Variants in SNX9 observed in about 807,000 individuals in gnomAD.
The protein encoded by SNX9 is sorting nexin 9, also known as sorting nexin-9.
In SNX9, 44 loss-of-function variants were observed where a neutral mutation model predicts 89.4. The ratio of observed to expected loss-of-function variants is 0.49; its 90% CI spans 0.39 to 0.63. The LOEUF (loss-of-function observed/expected upper bound fraction) is 0.63, where lower values mean the gene tolerates loss of function less well. Ranked by LOEUF, SNX9 falls within the 30% of genes least tolerant of loss-of-function variation. SNX9 has a pLI of 0.00. For missense variants in SNX9, 578 were observed against 736.1 expected (o/e 0.79, Z 2.49); for synonymous variants, 236 against 247.8 (o/e 0.95, Z 0.45).
chr6:157,898,114 G>T (rs1783018286), intron 5 of SNX9, among the ~76,000 whole-genome samples: 1 of 152,192 alleles, frequency 6.6e-6, no homozygotes, highest in African/African-American at 2.4e-5. Context: ...CCGGGAACTA[G>T]GGACGCAGAC....
intron 4 of SNX9, among the ~76,000 whole-genome samples, chr6:157,887,410 G>A (rs1782757036): frequency 6.6e-6 from 1 of 152,114 alleles, no homozygotes; most frequent in Non-Finnish European, 1.5e-5. Context: ...CACGTGATGG[G>A]CTGATCAGTG....
chr6:157,938,443 A>G (rs6455919), intron 15 of SNX9, among the ~76,000 whole-genome samples, 190 bp from the exon 16 acceptor site: 32,953 of 152,170 alleles, frequency 0.22, 3,638 homozygotes, highest in Non-Finnish European at 0.23. Context: ...ATTTGTCAAG[A>G]ATAGCAACCT....
At chr6:157,936,909 CTA>C (rs1177106839) in intron 14 of SNX9, among the ~76,000 whole-genome samples, 1 of 152,160 alleles carries the variant, frequency 6.6e-6, no homozygotes, top group African/African-American at 2.4e-5. Context: ...TGACTTTAAA[CTA>C]TGTGTATGGA....
chr6:157,833,404 A>G (rs1206208226), intron 1 of SNX9, among the ~76,000 whole-genome samples: 1 of 152,222 alleles, frequency 6.6e-6, no homozygotes, highest in African/African-American at 2.4e-5. Flanking sequence ...AAATTTTTTA[A>G]TGCTTACACA....
chr6:157,877,400 GA>G (rs1243437307), intron 4 of SNX9, among the ~76,000 whole-genome samples: 1 of 152,110 alleles, frequency 6.6e-6, no homozygotes, highest in Non-Finnish European at 1.5e-5. Flanking sequence ...TTGAGCATTT[GA>G]ATTTAATGTA....
At chr6:157,916,857 G>T (rs1393192225) in intron 9 of SNX9, among the ~76,000 whole-genome samples, 1 of 152,170 alleles carries the variant, frequency 6.6e-6, no homozygotes, top group African/African-American at 2.4e-5. Context: ...GTTCACGATG[G>T]TTATTGGTCT....
At chr6:157,862,563 C>CT (rs1187652968) in intron 1 of SNX9, among the ~76,000 whole-genome samples, 4 of 152,144 alleles carry the variant, frequency 2.6e-5, no homozygotes, top group African/African-American at 9.7e-5. Flanking sequence ...AGATTTACTG[C>CT]TTTTTTCCCT....
At chr6:157,841,480 G>A (rs1781701787) in intron 1 of SNX9, among the ~76,000 whole-genome samples, 1 of 152,150 alleles carries the variant, frequency 6.6e-6, no homozygotes, top group Non-Finnish European at 1.5e-5. Context: ...GAGACCCATG[G>A]GCCTTCATGG....
chr6:157,823,420 G>A lies in SNX9; in HGVS notation c.-15G>A. ...GAGACGAGCCGGCCGTCCCGGGCCG[G>A]GGGACCCGCCCGCCATGGCCACCAA... is the stretch of plus-strand genomic sequence containing the variant. On this transcript the variant is annotated 5_prime_UTR_variant, in exon 1 of 18. Coordinates refer to ENST00000392185, the MANE Select transcript of SNX9 (RefSeq NM_016224.5). The surrounding 1 kb of genome is among the most constrained non-coding windows in gnomAD (Gnocchi z 4.6). 8.0e-7 allele frequency: 1 copy of A among 1,251,744 alleles called. No homozygotes were observed. The highest frequency in any genetic ancestry group is 1.0e-6 in the Non-Finnish European group (1 of 996,716). The allele number at this position is 1,251,744 out of a possible 1,614,324, so 77.5% of individuals were successfully genotyped here.
intron 3 of SNX9, 25 bp from the exon 4 acceptor site, chr6:157,875,026 A>G (rs1196381532): frequency 1.9e-6 from 3 of 1,612,072 alleles, no homozygotes; most frequent in Non-Finnish European, 1.7e-6. Context: ...CTATGAAAAT[A>G]ATTGCGGCTC....
intron 2 of SNX9, among the ~76,000 whole-genome samples, chr6:157,870,511 T>G (rs1782379939): frequency 1.4e-5 from 2 of 139,058 alleles, no homozygotes; most frequent in Admixed American, 1.4e-4. Context: ...CACACATACA[T>G]GCACTCACCT....
At chr6:157,911,389 G>C (rs765417684) in intron 9 of SNX9, among the ~76,000 whole-genome samples, 1 of 152,156 alleles carries the variant, frequency 6.6e-6, no homozygotes, top group Non-Finnish European at 1.5e-5. Context: ...GACAAGAGGC[G>C]GTGGAATTCT....
intron 11 of SNX9, among the ~76,000 whole-genome samples, chr6:157,928,079 A>G (rs1783733685): frequency 6.6e-6 from 1 of 152,148 alleles, no homozygotes. Context: ...CACACTAGAC[A>G]TTTTGTTTTA....
chr6:157,893,182 A>C (rs1322087955), intron 4 of SNX9, among the ~76,000 whole-genome samples: 1 of 152,226 alleles, frequency 6.6e-6, no homozygotes, highest in Non-Finnish European at 1.5e-5. Flanking sequence ...TCTTAGCTGA[A>C]GTGTGACTGC....
chr6:157,857,946 G>C (rs1235290568), intron 1 of SNX9, among the ~76,000 whole-genome samples: 3 of 152,112 alleles, frequency 2.0e-5, no homozygotes, highest in African/African-American at 7.2e-5. Context: ...GACAATGCGT[G>C]GTTCTTGTGG....
intron 7 of SNX9, among the ~76,000 whole-genome samples, chr6:157,907,161 A>AT (rs368312212): frequency 3.2e-4 from 49 of 151,854 alleles, no homozygotes; most frequent in East Asian, 2.1e-3. Context: ...TATATTAAAG[A>AT]TTTTTTTTTC....
intron 13 of SNX9, 85 bp from the exon 14 acceptor site, chr6:157,935,879 A>T: frequency 1.1e-6 from 1 of 942,908 alleles, no homozygotes; most frequent in Non-Finnish European, 1.5e-6. Context: ...AATAAAATTT[A>T]CCAATAAAAT....
chr6:157,875,814 G>A (rs1238942966), intron 4 of SNX9, among the ~76,000 whole-genome samples: 4 of 152,168 alleles, frequency 2.6e-5, no homozygotes, highest in African/African-American at 9.7e-5. Flanking sequence ...CACAGAGTAA[G>A]TGACAAGAAG....
intron 13 of SNX9, among the ~76,000 whole-genome samples, chr6:157,935,623 C>G (rs1783907608): frequency 6.6e-6 from 1 of 152,202 alleles, no homozygotes; most frequent in Non-Finnish European, 1.5e-5. Flanking sequence ...GCAGCCAGCT[C>G]TCCCTGAGAG....
Sources: gnomAD v4.1 joint callset for allele counts (sites outside exome capture counted in the v4.1 genomes callset) on GRCh38, gnomAD v4.1.1 for gene constraint, Gnocchi (gnomAD v3.1) non-coding constraint, MANE v1.5 for transcripts, NCBI Gene and HGNC (gene_info 2026-07-23, HGNC 2026-07-21) for gene names.